The following SHC4 variants were observed in gnomAD, a reference collection of about 807,000 sequenced individuals.
SHC4 encodes the protein SHC adaptor protein 4.
SHC4 carries 41 observed loss-of-function variants against 69.4 expected under a neutral mutation model. The observed-to-expected ratio is 0.59, with a 90% CI of 0.46 to 0.77. The LOEUF is 0.77. Among genes scored for constraint, SHC4 ranks in the 30% least tolerant of loss-of-function variants. The pLI is 0.00. For synonymous variants in SHC4, 318 were observed against 299.3 expected (o/e 1.06, Z -0.64); for missense variants, 777 against 783.8 (o/e 0.99, Z 0.10).
chr15:48,940,154 G>C (rs145782428), intron 1 of SHC4, among the ~76,000 whole-genome samples: 1 of 152,332 alleles, frequency 6.6e-6, no homozygotes, highest in East Asian at 1.9e-4. Flanking sequence ...TACTGCTGTA[G>C]CCAAGGCAAT....
intron 5 of SHC4, among the ~76,000 whole-genome samples, chr15:48,869,457 G>C (rs956003098): frequency 1.3e-5 from 2 of 152,200 alleles, no homozygotes; most frequent in African/African-American, 4.8e-5. Context: ...AACGATCTCA[G>C]TTAATATCCT....
Position 48,890,828 on chromosome 15 carries a change from A to G in SHC4, c.657-17T>C, listed in dbSNP as rs1900123474. On this transcript the variant is annotated splice_polypyrimidine_tract_variant and intron_variant, in intron 2 of 11. Coordinates refer to ENST00000332408, the MANE Select transcript of SHC4 (RefSeq NM_203349.4). ...ATTGCTTCCCTAAAGAACAGAAACC[A>G]TATAAATAAAGACTTAGCATACTAC... 6 of 1,613,966 alleles carry G rather than the reference A, an allele frequency of 3.7e-6. No individual in the cohort carries two copies. Among genetic ancestry groups the G allele is most frequent in the Non-Finnish European group, 4.2e-6 (5 of 1,179,842 alleles).
chr15:48,919,578 C>T (rs1042208014), intron 2 of SHC4, among the ~76,000 whole-genome samples: 7 of 151,546 alleles, frequency 4.6e-5, no homozygotes, highest in African/African-American at 1.7e-4. Context: ...TGTGAGCCAC[C>T]ATGCCTGACC....
chr15:48,933,169 A>T (rs897361182), intron 1 of SHC4, among the ~76,000 whole-genome samples: 35 of 152,142 alleles, frequency 2.3e-4, no homozygotes, highest in Non-Finnish European at 4.4e-5. Context: ...GGCCCAAACC[A>T]ATCATTCCAG....
At chr15:48,878,344 C>T (rs1899864119) in intron 4 of SHC4, 2 of 1,613,614 alleles carry the variant, frequency 1.2e-6, no homozygotes, top group African/African-American at 1.3e-5. Flanking sequence ...AGGAGGAAGG[C>T]CCAATGGAGG....
intron 2 of SHC4, among the ~76,000 whole-genome samples, chr15:48,917,097 C>T (rs1303439881): frequency 6.6e-6 from 1 of 152,150 alleles, no homozygotes; most frequent in African/African-American, 2.4e-5. Context: ...GTCTATTCCT[C>T]CTTCAGCGTT....
chr15:48,877,567 C>T (rs1899832568), intron 4 of SHC4: 1 of 984,802 alleles, frequency 1.0e-6, no homozygotes, highest in African/African-American at 1.8e-5. Context: ...AGAATACACA[C>T]CGCATTGCTA....
At chr15:48,922,503 T>C (rs1328672781) in intron 2 of SHC4, among the ~76,000 whole-genome samples, 1 of 152,210 alleles carries the variant, frequency 6.6e-6, no homozygotes, top group African/African-American at 2.4e-5. Flanking sequence ...CTCACGCTGC[T>C]CCTCAGCCAG....
intron 11 of SHC4, 127 bp from the exon 12 acceptor site, chr15:48,826,253 C>T (rs1225442294): frequency 2.0e-4 from 126 of 639,900 alleles, no homozygotes; most frequent in Non-Finnish European, 6.8e-5. Context: ...AGAAAAGGTA[C>T]TTTTTTTTTT....
At chr15:48,939,522 A>G (rs943067978) in intron 1 of SHC4, among the ~76,000 whole-genome samples, 1 of 152,214 alleles carries the variant, frequency 6.6e-6, no homozygotes, top group Non-Finnish European at 1.5e-5. Context: ...CCATCTGCCC[A>G]CACAATTCAA....
chr15:48,839,519 A>T (rs143414687), intron 10 of SHC4, among the ~76,000 whole-genome samples: 112 of 152,332 alleles, frequency 7.4e-4, no homozygotes, highest in Middle Eastern at 3.4e-3. Flanking sequence ...AAGCTGAACC[A>T]GGATCCAAGC....
chr15:48,963,102 C>A lies in SHC4; in HGVS notation c.-87G>T. 1 of 1,362,654 alleles carries A rather than the reference C, an allele frequency of 7.3e-7. No individual in the cohort carries two copies. Among genetic ancestry groups the A allele is most frequent in the South Asian group, 1.4e-5 (1 of 72,730 alleles). The allele number at this position is 1,362,654 out of a possible 1,614,324, so 84.4% of individuals were successfully genotyped here. A position where few individuals can be genotyped will look rare whatever the true frequency, so the allele number is the denominator to read the frequency against. On this transcript the variant is annotated 5_prime_UTR_variant, in exon 1 of 12. Transcript: ENST00000332408. ...ACGGTGCAGACATCAGATACCTCAA[C>A]GCCCGATGCAACTCACAGCAGCCAC... is the stretch of plus-strand genomic sequence containing the variant.
intron 8 of SHC4, among the ~76,000 whole-genome samples, chr15:48,853,785 T>C (rs990176158): frequency 6.6e-6 from 1 of 152,162 alleles, no homozygotes; most frequent in Admixed American, 6.6e-5. Flanking sequence ...TGGCTAGGCA[T>C]ATGCAAAAGA....
At chr15:48,927,003 C>T (rs906482916) in intron 1 of SHC4, among the ~76,000 whole-genome samples, 1 of 152,160 alleles carries the variant, frequency 6.6e-6, no homozygotes, top group Non-Finnish European at 1.5e-5. Flanking sequence ...TTTACTCTGT[C>T]CCCATCACAC....
At chr15:48,913,144 G>A (rs1471661270) in intron 2 of SHC4, among the ~76,000 whole-genome samples, 1 of 151,756 alleles carries the variant, frequency 6.6e-6, no homozygotes, top group Non-Finnish European at 1.5e-5. Flanking sequence ...TAGTGTGTGG[G>A]GTCCTAGAAC....
rs184090316 is a variant in SHC4 at position 48,838,682 on chromosome 15, T to C, written c.1484-3660A>G. Among the ~76,000 whole-genome samples, 16 of 152,188 alleles carry C rather than the reference T, an allele frequency of 1.1e-4. 1 individual carries two copies. Among genetic ancestry groups the C allele is most frequent in the African/African-American group, 3.4e-4 (14 of 41,556 alleles). On this transcript the variant is annotated intron_variant, in intron 10 of 11. Transcript: ENST00000332408. The stretch of plus-strand genomic sequence containing the variant: ...TAGTATATAGTAATTAAGATGCTGG[T>C]TGAGAAAAGGCAAGTGCTCCAATAG...
intron 4 of SHC4, chr15:48,878,363 G>A (rs1899864958): frequency 3.1e-6 from 5 of 1,613,100 alleles, no homozygotes; most frequent in Non-Finnish European, 4.2e-6. Flanking sequence ...GGAGGAGGAG[G>A]CCCAGCCAAT....
At chr15:48,887,828 C>G (rs555885006) in intron 3 of SHC4, among the ~76,000 whole-genome samples, 75 of 152,170 alleles carry the variant, frequency 4.9e-4, no homozygotes, top group African/African-American at 1.7e-3. Context: ...ACATTACTAC[C>G]AATTCTATAG....
intron 5 of SHC4, among the ~76,000 whole-genome samples, chr15:48,868,831 T>C (rs957403722): frequency 1.3e-5 from 2 of 152,176 alleles, no homozygotes; most frequent in Non-Finnish European, 2.9e-5. Context: ...TGAGTAAATT[T>C]CTCTTACGCA....
Sources: allele counts gnomAD v4.1 joint callset (sites outside exome capture counted in the v4.1 genomes callset), GRCh38; gene constraint gnomAD v4.1.1; transcripts MANE v1.5; gene names NCBI Gene and HGNC (gene_info 2026-07-23, HGNC 2026-07-21).